Variants in CNTN5 observed in about 807,000 individuals in gnomAD.
The protein encoded by CNTN5 is contactin-5.
In CNTN5, 77 loss-of-function variants were observed where a neutral mutation model predicts 129.1. The observed-to-expected ratio is 0.60, with a 90% confidence interval of 0.50 to 0.72. CNTN5 has a LOEUF of 0.72. CNTN5 is among the 30% of genes least tolerant of loss of function. The pLI, the probability that CNTN5 is intolerant of heterozygous loss-of-function variation, is 0.00. For missense variants in CNTN5, 1,478 were observed against 1,328.8 expected (o/e 1.11, Z -1.75); for synonymous variants, 509 against 465.6 (o/e 1.09, Z -1.20).
intron 2 of CNTN5, among the ~76,000 whole-genome samples, chr11:99,521,944 T>G (rs1311633479): frequency 6.6e-6 from 1 of 152,172 alleles, no homozygotes; most frequent in Non-Finnish European, 1.5e-5. Context: ...CTCTTTACCT[T>G]TGCAGTAAGT....
In CNTN5 at chr11:99,315,540, G is replaced by C. The variant is rs560762370; in HGVS notation, c.-209-9806G>C. ...ATCAACAGAACATAGTCAATTATTA[G>C]ATGGAAATAGTTGGGATAAAAAAAT... On this transcript the variant is annotated intron_variant, in intron 1 of 24. Coordinates refer to ENST00000524871, the MANE Select transcript of CNTN5 (RefSeq NM_014361.4). 1.6e-3 allele frequency among the ~76,000 whole-genome samples: 237 copies of C among 149,712 alleles called. 11 individuals are homozygous for C. The highest frequency in any genetic ancestry group is 5.7e-3 in the African/African-American group (233 of 41,144).
At chr11:99,473,679 C>T (rs1945262800) in intron 2 of CNTN5, among the ~76,000 whole-genome samples, 2 of 151,806 alleles carry the variant, frequency 1.3e-5, no homozygotes, top group South Asian at 4.2e-4. Context: ...CACTTGTTGT[C>T]TTTGACTTAG....
chr11:99,181,715 C>T (rs1269399368), intron 1 of CNTN5, among the ~76,000 whole-genome samples: 1 of 152,062 alleles, frequency 6.6e-6, no homozygotes, highest in Admixed American at 6.6e-5. Flanking sequence ...CATTTTCTGC[C>T]CCTATAGCTA....
chr11:99,359,035 T>A (rs1444383094), intron 2 of CNTN5, among the ~76,000 whole-genome samples: 1 of 152,238 alleles, frequency 6.6e-6, no homozygotes, highest in Non-Finnish European at 1.5e-5. Flanking sequence ...TTCATTTTAT[T>A]TGTAGTTTCA....
rs74332494 is a variant in CNTN5 at position 99,409,749 on chromosome 11, T to C, written c.-71+84265T>C. ...AATTGCTTAGAGGTCATTGCAGCCA[T>C]CAAGTGTGGGTTGCATTTTACTAGT... On this transcript the variant is annotated intron_variant, in intron 2 of 24. Coordinates refer to ENST00000524871, the MANE Select transcript of CNTN5 (RefSeq NM_014361.4). Among the ~76,000 whole-genome samples, 524 of 152,300 alleles carry C rather than the reference T, an allele frequency of 3.4e-3. 3 individuals carry two copies. The highest frequency in any genetic ancestry group is 0.012 in the African/African-American group (482 of 41,576).
intron 2 of CNTN5, among the ~76,000 whole-genome samples, chr11:99,375,366 A>T (rs1000044782): frequency 1.3e-5 from 2 of 151,120 alleles, no homozygotes; most frequent in African/African-American, 4.9e-5. Flanking sequence ...AAAATGGAAG[A>T]ATTAACAGTT....
intron 3 of CNTN5, among the ~76,000 whole-genome samples, chr11:99,790,024 C>A (rs752891130): frequency 7.9e-5 from 12 of 151,922 alleles, no homozygotes; most frequent in Non-Finnish European, 1.5e-4. Context: ...TAAGAAAATG[C>A]AGTTTTTGGT....
At chr11:99,835,824 A>G (rs1320400545) in intron 4 of CNTN5, among the ~76,000 whole-genome samples, 2 of 152,168 alleles carry the variant, frequency 1.3e-5, no homozygotes, top group Non-Finnish European at 2.9e-5. Context: ...CTGGAAATAC[A>G]TGCTAGCTAA....
At chr11:100,292,459 C>T (rs182350340) in intron 18 of CNTN5, among the ~76,000 whole-genome samples, 31 of 152,096 alleles carry the variant, frequency 2.0e-4, no homozygotes, top group Admixed American at 6.6e-4. Context: ...AGGATATTCT[C>T]AGGAACTATT....
intron 2 of CNTN5, among the ~76,000 whole-genome samples, chr11:99,410,497 A>G (rs2135005798): frequency 6.6e-6 from 1 of 152,278 alleles, no homozygotes; most frequent in African/African-American, 2.4e-5. Flanking sequence ...CAAACTGTGG[A>G]ACAAAAGGTT....
chr11:99,845,562 C>T (rs1355242134), intron 6 of CNTN5, among the ~76,000 whole-genome samples: 11 of 151,614 alleles, frequency 7.3e-5, no homozygotes, highest in African/African-American at 2.4e-4. Flanking sequence ...TTAGTAGAGA[C>T]GGGGTTTCAC....
intron 1 of CNTN5, among the ~76,000 whole-genome samples, chr11:99,151,602 G>T (rs1404011602): frequency 6.6e-6 from 1 of 152,092 alleles, no homozygotes; most frequent in African/African-American, 2.4e-5. Flanking sequence ...AAAAGGAAAT[G>T]ACAAGGTGTT....
chr11:99,959,665 A>G (rs552429719), intron 8 of CNTN5, among the ~76,000 whole-genome samples: 18 of 152,280 alleles, frequency 1.2e-4, no homozygotes, highest in Non-Finnish European at 2.5e-4. Flanking sequence ...TTCTTTTACA[A>G]ACGTCTATAT....
chr11:99,782,423 A>C (rs2135392850), intron 3 of CNTN5, among the ~76,000 whole-genome samples: 1 of 150,164 alleles, frequency 6.7e-6, no homozygotes, highest in South Asian at 2.2e-4. Flanking sequence ...TACAGATTCA[A>C]TGCCATCCCC....
At chr11:100,023,528 A>C (rs1261609353) in intron 9 of CNTN5, among the ~76,000 whole-genome samples, 1 of 152,164 alleles carries the variant, frequency 6.6e-6, no homozygotes, top group East Asian at 1.9e-4. Context: ...ACAGACCATA[A>C]TTTGCATTAG....
intron 2 of CNTN5, among the ~76,000 whole-genome samples, chr11:99,537,303 C>T (rs1402756778): frequency 9.2e-5 from 14 of 152,056 alleles, no homozygotes; most frequent in East Asian, 1.9e-4. Flanking sequence ...ATCCTCATTT[C>T]GCAAGCAAAT....
chr11:99,135,678 C>A (rs1243598561), intron 1 of CNTN5, among the ~76,000 whole-genome samples: 1 of 152,130 alleles, frequency 6.6e-6, no homozygotes, highest in Non-Finnish European at 1.5e-5. Flanking sequence ...ATTTCTCATA[C>A]TTCTGCTCAA....
At chr11:99,338,758 T>C (rs1270133577) in intron 2 of CNTN5, among the ~76,000 whole-genome samples, 1 of 151,792 alleles carries the variant, frequency 6.6e-6, no homozygotes, top group African/African-American at 2.4e-5. Flanking sequence ...TGCTCATTTA[T>C]TTTATTTGCT....
At chr11:99,932,005 C>G (rs1393851901) in intron 7 of CNTN5, among the ~76,000 whole-genome samples, 1 of 152,152 alleles carries the variant, frequency 6.6e-6, no homozygotes. Flanking sequence ...AGTTCCTTAA[C>G]CTGGCACTCG....
Sources: allele counts gnomAD v4.1 joint callset (sites outside exome capture counted in the v4.1 genomes callset), GRCh38; gene constraint gnomAD v4.1.1; transcripts MANE v1.5; gene names NCBI Gene and HGNC (gene_info 2026-07-23, HGNC 2026-07-21).